The following RNF19B variants were observed in gnomAD, a reference collection of about 807,000 sequenced individuals.
RNF19B encodes the protein E3 ubiquitin-protein ligase RNF19B.
A neutral mutation model predicts 65.5 loss-of-function variants in RNF19B; 23 were observed. The ratio of observed to expected loss-of-function variants is 0.35; its 90% CI spans 0.25 to 0.50. RNF19B has a LOEUF of 0.50. Ranked by LOEUF, RNF19B falls within the 20% of genes least tolerant of loss-of-function variation. The pLI is 0.98. For synonymous variants in RNF19B, 372 were observed against 379.6 expected (o/e 0.98, Z 0.23); for missense variants, 794 against 980.0 (o/e 0.81, Z 2.53).
chr1:32,950,118 A>AGTG (rs1228206730), intron 1 of RNF19B, among the ~76,000 whole-genome samples: 1 of 151,958 alleles, frequency 6.6e-6, no homozygotes, highest in African/African-American at 2.4e-5. Flanking sequence ...TACAGGTGCA[A>AGTG]GCCACCACGC....
At chr1:32,954,607 C>G (rs750919854) in intron 1 of RNF19B, among the ~76,000 whole-genome samples, 4 of 151,598 alleles carry the variant, frequency 2.6e-5, no homozygotes, top group Non-Finnish European at 4.4e-5. Flanking sequence ...GGCATGGTGG[C>G]GCATGCCTGT....
intron 5 of RNF19B, among the ~76,000 whole-genome samples, chr1:32,944,631 T>C (rs1461661201): frequency 6.6e-6 from 1 of 152,166 alleles, no homozygotes. Context: ...GAACAGGATC[T>C]GAAGGCAGAT....
chr1:32,943,533 T>C (rs1429591772), intron 6 of RNF19B, among the ~76,000 whole-genome samples: 2 of 151,986 alleles, frequency 1.3e-5, no homozygotes, highest in Non-Finnish European at 2.9e-5. Flanking sequence ...GGAGAATCAC[T>C]TGAACCTGGG....
chr1:32,935,458 A>AG (rs1557560870), downstream of RNF19B, among the ~76,000 whole-genome samples: 1 of 152,152 alleles, frequency 6.6e-6, no homozygotes, highest in East Asian at 1.9e-4. Flanking sequence ...TTTTACACAG[A>AG]GGCAAAACTC....
At chr1:32,946,628 C>A in intron 3 of RNF19B, 64 bp from the exon 4 acceptor site, 1 of 1,412,614 alleles carries the variant, frequency 7.1e-7, no homozygotes. Context: ...TATCATAGGG[C>A]TTGATAACAG....
At chr1:32,944,818 A>G (rs1056433220) in intron 5 of RNF19B, among the ~76,000 whole-genome samples, 4 of 151,970 alleles carry the variant, frequency 2.6e-5, no homozygotes, top group African/African-American at 7.3e-5. Flanking sequence ...CCTCCCAAGT[A>G]GCTGGGACTA....
chr1:32,964,712 G>A lies in RNF19B; in HGVS notation c.-27C>T, dbSNP rs1372747115. On this transcript the variant is annotated 5_prime_UTR_variant, in exon 1 of 9. Coordinates refer to ENST00000235150, the MANE Select transcript of RNF19B (RefSeq NM_001300826.2). The surrounding 1 kb of genome is among the most constrained non-coding windows in gnomAD (Gnocchi z 6.5). Reference sequence around the variant, plus strand: ...GCCGGCAGAGGCCGAGGAGCCAGGGGCGCCCAGCGCCGCCACAGCTCCCGC... The same window carrying A: ...GCCGGCAGAGGCCGAGGAGCCAGGGACGCCCAGCGCCGCCACAGCTCCCGC... 8 of 1,405,116 alleles carry A rather than the reference G, an allele frequency of 5.7e-6. No homozygotes were observed. The highest frequency in any genetic ancestry group is 1.5e-5 in the African/African-American group (1 of 65,700). 87.0% of individuals were successfully genotyped at this position (1,405,116 alleles called of 1,614,324 possible). A position where few individuals can be genotyped will look rare whatever the true frequency, so the allele number is the denominator to read the frequency against.
intron 5 of RNF19B, among the ~76,000 whole-genome samples, chr1:32,945,078 C>T (rs77568577): frequency 4.5e-4 from 68 of 152,280 alleles, no homozygotes; most frequent in African/African-American, 1.6e-3. Flanking sequence ...CTCAGAACCA[C>T]TCCTGGCACA....
chr1:32,940,289 C>G (rs1642203079), intron 7 of RNF19B, among the ~76,000 whole-genome samples: 1 of 152,100 alleles, frequency 6.6e-6, no homozygotes, highest in South Asian at 2.1e-4. Flanking sequence ...ACGGATCACC[C>G]CCTAGGTGCC....
downstream of RNF19B, among the ~76,000 whole-genome samples, chr1:32,932,772 T>A (rs1262933382): frequency 2.0e-5 from 3 of 152,208 alleles, no homozygotes; most frequent in Non-Finnish European, 4.4e-5. Context: ...CTACACAATC[T>A]TGCTCCAGCT....
chr1:32,944,093 C>A lies in RNF19B; in HGVS notation c.1328G>T (p.Gly443Val). ...GTTGGCTGTGCTAACTCCACAGCCG[C>A]CTCCACGACAAAGAGAAATGGGCAC... ...GVVPISLCRG[G>V]GCGVSTANGK... Residue 443 changes from glycine (G) to valine (V), a missense_variant, in exon 6 of 9, where the codon GGC becomes GTC. Coordinates refer to ENST00000235150, the MANE Select transcript of RNF19B (RefSeq NM_001300826.2). 1 of 1,613,994 alleles carries A rather than the reference C, an allele frequency of 6.2e-7. No homozygotes were observed. Among genetic ancestry groups the A allele is most frequent in the Non-Finnish European group, 8.5e-7 (1 of 1,179,928 alleles).
At position 32,936,715 on chromosome 1, in the gene RNF19B, A is replaced by G; in HGVS notation, c.*91T>C. On this transcript the variant is annotated 3_prime_UTR_variant, in exon 9 of 9. Transcript: ENST00000235150. The stretch of plus-strand genomic sequence containing the variant: ...CCAGAGAATCTGTGAAATAAAATAC[A>G]TAAATCTCTACCCCTTGGAAAAAAA... The G allele has an allele frequency of 8.1e-7, 1 of 1,240,064 alleles. No homozygotes were observed. Among genetic ancestry groups the G allele is most frequent in the Non-Finnish European group, 1.1e-6 (1 of 926,652 alleles). The allele number at this position is 1,240,064 out of a possible 1,614,324, so 76.8% of individuals were successfully genotyped here.
rs138818373 is a variant in RNF19B at position 32,936,890 on chromosome 1, C to T, written c.2112G>A (p.Pro704=). ...AGAGGTTCATATGGGCACTTGGGCTCGGTGCACCTTGGGCTCTGGGGGTCG... is the reference window on the plus strand; with the variant it reads ...AGAGGTTCATATGGGCACTTGGGCTTGGTGCACCTTGGGCTCTGGGGGTCG... The part of the protein sequence containing the change: ...CPSTPRAQGA[P]SPSAHMNLSA... The change falls in exon 9 of 9, where the codon CCG becomes CCA. Residue 704 remains proline (P), a synonymous_variant. Transcript: ENST00000235150. 2.7e-5 allele frequency: 44 copies of T among 1,613,278 alleles called. No homozygotes were observed. In the Admixed American group the frequency reaches 3.0e-4, roughly 11 times the overall value.
chr1:32,962,003 C>T (rs180858680), intron 1 of RNF19B, among the ~76,000 whole-genome samples: 66 of 151,468 alleles, frequency 4.4e-4, no homozygotes, highest in Admixed American at 1.8e-3. Context: ...GACAGAATCT[C>T]GCTCTGTCAC....
chr1:32,939,376 T>C (rs1220984837), intron 7 of RNF19B, among the ~76,000 whole-genome samples: 3 of 152,022 alleles, frequency 2.0e-5, no homozygotes, highest in African/African-American at 4.8e-5. Flanking sequence ...TTAGTAGAGA[T>C]GGGGTTTTAC....
At chr1:32,947,174 T>C (rs1219243943) in intron 3 of RNF19B, among the ~76,000 whole-genome samples, 1 of 152,196 alleles carries the variant, frequency 6.6e-6, no homozygotes, top group African/African-American at 2.4e-5. Flanking sequence ...AGGGATCATG[T>C]CTTACTCACC....
chr1:32,962,137 T>C (rs1642785031), intron 1 of RNF19B, among the ~76,000 whole-genome samples: 1 of 151,992 alleles, frequency 6.6e-6, no homozygotes, highest in African/African-American at 2.4e-5. Flanking sequence ...CCCGGCTAAT[T>C]TTTCTATTTT....
intron 1 of RNF19B, among the ~76,000 whole-genome samples, chr1:32,955,178 G>T (rs890998263): frequency 7.2e-5 from 11 of 152,026 alleles, no homozygotes; most frequent in African/African-American, 2.7e-4. Context: ...TAGTATACTG[G>T]TTCATGCTCA....
chr1:32,930,945 A>G, the RNF19B span, among the ~76,000 whole-genome samples: 2 of 152,128 alleles, frequency 1.3e-5, no homozygotes, highest in African/African-American at 4.8e-5. Flanking sequence ...AAAAGTAGCC[A>G]GGTGTGCTGG....
Sources: allele counts gnomAD v4.1 joint callset (sites outside exome capture counted in the v4.1 genomes callset), GRCh38; gene constraint gnomAD v4.1.1; non-coding constraint Gnocchi (gnomAD v3.1); transcripts MANE v1.5; gene names NCBI Gene and HGNC (gene_info 2026-07-23, HGNC 2026-07-21).